RNF8: variants seen among roughly 807,000 people sequenced by gnomAD.
The protein encoded by RNF8 is E3 ubiquitin-protein ligase RNF8.
RNF8 carries 8 observed loss-of-function variants against 59.3 expected under a neutral mutation model. The ratio of observed to expected loss-of-function variants is 0.13; its 90% CI spans 0.08 to 0.24. The LOEUF (loss-of-function observed/expected upper bound fraction) is 0.24. RNF8 is among the 10% of genes least tolerant of loss of function. RNF8 has a pLI of 1.00. For synonymous variants in RNF8, 162 were observed against 200.0 expected, an observed-to-expected ratio of 0.81 and a Z score of 1.60; for missense variants, 406 against 572.6, an observed-to-expected ratio of 0.71 and a Z score of 2.97.
chr6:37,366,667 G>C (rs1769567675), intron 2 of RNF8, among the ~76,000 whole-genome samples: 1 of 150,254 alleles, frequency 6.7e-6, no homozygotes, highest in East Asian at 1.9e-4. Context: ...TCTGTGCCTT[G>C]TGGTCAAGCC....
chr6:37,358,187 A>G (rs1221201345), intron 1 of RNF8, among the ~76,000 whole-genome samples: 1 of 152,164 alleles, frequency 6.6e-6, no homozygotes, highest in East Asian at 1.9e-4. Context: ...GGGCTTAAGG[A>G]ACAACAACAA....
intron 2 of RNF8, chr6:37,361,307 C>T (rs1332400875): frequency 1.3e-5 from 6 of 454,816 alleles, no homozygotes; most frequent in Admixed American, 7.1e-5. Flanking sequence ...GCCTTAAGTT[C>T]GGCATCAATA....
intron 5 of RNF8, among the ~76,000 whole-genome samples, chr6:37,375,446 T>A (rs1769976194): frequency 6.6e-6 from 1 of 152,222 alleles, no homozygotes; most frequent in Non-Finnish European, 1.5e-5. Flanking sequence ...TAAACAAGTC[T>A]GCAGGGTGGA....
At chr6:37,376,680 G>A (rs1770032635) in intron 5 of RNF8, among the ~76,000 whole-genome samples, 1 of 152,178 alleles carries the variant, frequency 6.6e-6, no homozygotes, top group Non-Finnish European at 1.5e-5. Context: ...GAATTTGGGA[G>A]GAAGCACAAA....
chr6:37,387,875 G>A (rs1770578453), intron 7 of RNF8, among the ~76,000 whole-genome samples: 1 of 152,202 alleles, frequency 6.6e-6, no homozygotes, highest in Non-Finnish European at 1.5e-5. Flanking sequence ...AGAAGCAAAA[G>A]CAAGGGGTTT....
rs771427460 is a variant in RNF8 at position 37,381,281 on chromosome 6, C to T, written c.1368C>T (p.Cys456=). The change falls in exon 7 of 8, where the codon TGC becomes TGT. Residue 456 remains cysteine (C), a synonymous_variant. Coordinates refer to ENST00000373479, the MANE Select transcript of RNF8 (RefSeq NM_003958.4). ...CGTACTCTTTGGTTCTGGACAATTG[C>T]ATTAATAAGATGGTAAATAATCTGA... ...SKTYSLVLDN[C]INKMVNNLSS... The T allele has an allele frequency of 1.2e-6, 2 of 1,614,100 alleles. No homozygotes were observed. The highest frequency in any genetic ancestry group is 3.3e-5 in the Admixed American group (2 of 60,020).
In RNF8 at chr6:37,391,326, A is replaced by G. The variant is rs1770721281; in HGVS notation, c.*568A>G. 1 of 156,486 alleles carries G rather than the reference A, an allele frequency of 6.4e-6. No homozygotes were observed. The highest frequency in any genetic ancestry group is 2.4e-5 in the African/African-American group (1 of 41,474). The allele number at this position is 156,486 out of a possible 1,614,324, so 9.7% of individuals were successfully genotyped here. On this transcript the variant is annotated 3_prime_UTR_variant, in exon 8 of 8. Coordinates refer to ENST00000373479, the MANE Select transcript of RNF8 (RefSeq NM_003958.4). ...AAACACCAGCAGCTCATAGATTACA[A>G]CCAAGAAAGTGACTGTATCAGATGA...
At chr6:37,354,572 G>C (rs1581657266) in intron 1 of RNF8, among the ~76,000 whole-genome samples, 1 of 152,288 alleles carries the variant, frequency 6.6e-6, no homozygotes, top group East Asian at 1.9e-4. Context: ...GGCCACAAGG[G>C]TTGGGGCGAG....
chr6:37,389,488 G>A (rs1581702937), intron 7 of RNF8, among the ~76,000 whole-genome samples: 1 of 151,972 alleles, frequency 6.6e-6, no homozygotes, highest in African/African-American at 2.4e-5. Flanking sequence ...GGGTGAAATG[G>A]GGTTTTTGTT....
intron 4 of RNF8, among the ~76,000 whole-genome samples, 158 bp from the exon 5 acceptor site, chr6:37,374,462 A>G (rs1379770875): frequency 6.6e-6 from 1 of 152,222 alleles, no homozygotes; most frequent in African/African-American, 2.4e-5. Context: ...GGTAGGTAAG[A>G]TAGCCCAATG....
At chr6:37,388,888 G>A (rs1770616063) in intron 7 of RNF8, among the ~76,000 whole-genome samples, 1 of 149,532 alleles carries the variant, frequency 6.7e-6, no homozygotes. Context: ...AGCTGTGACT[G>A]TGCCACTGTA....
intron 1 of RNF8, among the ~76,000 whole-genome samples, chr6:37,355,189 T>C (rs1451072733): frequency 6.6e-6 from 1 of 152,076 alleles, no homozygotes; most frequent in Non-Finnish European, 1.5e-5. Context: ...GGGAGTTAGA[T>C]TGCAATCAGG....
At chr6:37,359,076 A>T in intron 1 of RNF8, 1 of 378,450 alleles carries the variant, frequency 2.6e-6, no homozygotes, top group Non-Finnish European at 5.1e-6. Flanking sequence ...AGCCTGGGTG[A>T]TAAAGCAAGA....
chr6:37,372,419 AT>A (rs1341809513), intron 4 of RNF8, among the ~76,000 whole-genome samples: 1 of 152,254 alleles, frequency 6.6e-6, no homozygotes, highest in Non-Finnish European at 1.5e-5. Flanking sequence ...AAAGAATTAG[AT>A]GAAAATTAAT....
chr6:37,387,299 C>T (rs1770544451), intron 7 of RNF8, among the ~76,000 whole-genome samples: 1 of 152,190 alleles, frequency 6.6e-6, no homozygotes. Flanking sequence ...ACACTTGTCT[C>T]ATTAAACTTG....
chr6:37,391,018 C>T lies in RNF8; in HGVS notation c.*260C>T, dbSNP rs1012065548. On this transcript the variant is annotated 3_prime_UTR_variant, in exon 8 of 8. Coordinates refer to ENST00000373479, the MANE Select transcript of RNF8 (RefSeq NM_003958.4). Reference sequence around the variant, plus strand: ...TCGTAGACTCTGCCTCACTACATGTCGAAAGAGTTATTTGAGTTCTCTTCT... The same window carrying T: ...TCGTAGACTCTGCCTCACTACATGTTGAAAGAGTTATTTGAGTTCTCTTCT... 8 of 581,232 alleles carry T rather than the reference C, an allele frequency of 1.4e-5. No homozygotes were observed. The highest frequency in any genetic ancestry group is 2.1e-5 in the South Asian group (1 of 47,498). The allele number at this position is 581,232 out of a possible 1,614,324, so 36.0% of individuals were successfully genotyped here.
Position 37,390,969 on chromosome 6 carries a change from G to A in RNF8, c.*211G>A, listed in dbSNP as rs143107928. 197 of 708,922 alleles carry A rather than the reference G, an allele frequency of 2.8e-4. 1 individual carries two copies. The highest frequency in any genetic ancestry group is 1.7e-3 in the South Asian group (107 of 61,774). 43.9% of individuals were successfully genotyped at this position (708,922 alleles called of 1,614,324 possible). A position where few individuals can be genotyped will look rare whatever the true frequency, so the allele number is the denominator to read the frequency against. On this transcript the variant is annotated 3_prime_UTR_variant, in exon 8 of 8. Transcript: ENST00000373479. Reference sequence around the variant, plus strand: ...TGGCTGAAGCACCACCAGGATTCACGGCACCCAACTGCTTCAGGGTACTTC... The same window carrying A: ...TGGCTGAAGCACCACCAGGATTCACAGCACCCAACTGCTTCAGGGTACTTC...
At chr6:37,358,754 G>C (rs1284876774) in intron 1 of RNF8, among the ~76,000 whole-genome samples, 2 of 152,158 alleles carry the variant, frequency 1.3e-5, no homozygotes, top group Non-Finnish European at 2.9e-5. Context: ...AAAGTTCCCA[G>C]TTAAGGTTGT....
In RNF8 at chr6:37,392,207, AAAAG is replaced by A; in HGVS notation, c.*1450_*1453del. The stretch of plus-strand genomic sequence containing the variant: ...TAAGAATTCTGGAAAAATAGAGAAC[AAAAG>A]GAAAAGATTGTTACCACCTTGATTT... On this transcript the variant is annotated 3_prime_UTR_variant, in exon 8 of 8. Transcript: ENST00000373479. 1 of 363,466 alleles carries A rather than the reference AAAAG, an allele frequency of 2.8e-6. No individual in the cohort carries two copies. The highest frequency in any genetic ancestry group is 4.1e-5 in the East Asian group (1 of 24,656). 22.5% of individuals were successfully genotyped at this position (363,466 alleles called of 1,614,324 possible). A position where few individuals can be genotyped will look rare whatever the true frequency, so the allele number is the denominator to read the frequency against.
Sources: gnomAD v4.1 joint callset for allele counts (sites outside exome capture counted in the v4.1 genomes callset) on GRCh38, gnomAD v4.1.1 for gene constraint, MANE v1.5 for transcripts, NCBI Gene and HGNC (gene_info 2026-07-23, HGNC 2026-07-21) for gene names.